Variants in RGS12 observed in about 807,000 individuals in gnomAD.
The protein encoded by RGS12 is regulator of G protein signaling 12.
Under a neutral mutation model 120.1 loss-of-function variants are expected in RGS12, and 66 were observed. The ratio of observed to expected loss-of-function variants is 0.55; its 90% CI spans 0.45 to 0.67. RGS12 has a LOEUF of 0.67. Ranked by LOEUF, RGS12 falls within the 30% of genes least tolerant of loss-of-function variation. The pLI, the probability that RGS12 is intolerant of heterozygous loss-of-function variation, is 0.00. For synonymous variants in RGS12, 827 were observed against 804.7 expected, an observed-to-expected ratio of 1.03 and a Z score of -0.47; for missense variants, 1,859 against 1,957.7, an observed-to-expected ratio of 0.95 and a Z score of 0.95.
At chr4:3,330,556 G>A (rs1711729699) in intron 2 of RGS12, among the ~76,000 whole-genome samples, 1 of 152,182 alleles carries the variant, frequency 6.6e-6, no homozygotes, top group Non-Finnish European at 1.5e-5. Context: ...CTAGAACAGT[G>A]CCTGGCAGTT....
chr4:3,362,523 A>G (rs1715708405), intron 3 of RGS12, among the ~76,000 whole-genome samples: 2 of 91,424 alleles, frequency 2.2e-5, no homozygotes, highest in Non-Finnish European at 2.2e-5. Context: ...AGTGTGTGTG[A>G]GGGTGTGTTG....
At chr4:3,395,211 A>G (rs1719930734) in intron 4 of RGS12, among the ~76,000 whole-genome samples, 1 of 151,942 alleles carries the variant, frequency 6.6e-6, no homozygotes, top group South Asian at 2.1e-4. Flanking sequence ...TCCATCTAAA[A>G]AAAAAAAAAA....
chr4:3,428,961 C>T (rs1044761916), intron 16 of RGS12, among the ~76,000 whole-genome samples: 3 of 152,236 alleles, frequency 2.0e-5, no homozygotes, highest in Non-Finnish European at 4.4e-5. Flanking sequence ...ACTGTCTGCC[C>T]TGAGATGCCA....
rs757235370 is a variant in RGS12 at position 3,439,670 on chromosome 4, G to T, written c.4330G>T (p.Ala1444Ser). Residue 1444 changes from alanine (A) to serine (S), a missense_variant, in exon 18 of 18, where the codon GCC becomes TCC. Physicochemically the swap from Ala to Ser is moderately conservative, Grantham distance 99 (BLOSUM62 1). Transcript: ENST00000336727. ...PAKPKTSAHH[A>S]TFV is the part of the protein sequence containing the mutation. The stretch of plus-strand genomic sequence containing the variant: ...TAAGCCCAAGACCAGCGCTCACCAC[G>T]CCACCTTCGTCTGAGCTGCCCTGGC... 6.5e-7 allele frequency: 1 copy of T among 1,537,514 alleles called. No individual in the cohort carries two copies.
Position 3,417,459 on chromosome 4 carries a change from G to T in RGS12, c.2679G>T (p.Arg893=). ...ELGDEDSEKK[R]KGAFFSWSRT... is the part of the protein sequence containing the mutation. ...GGGATGAGGACAGCGAGAAGAAGCG[G>T]AAAGGCGCGTTTTTCTCGTGGTCGC... The change falls in exon 9 of 18, where the codon CGG becomes CGT. Residue 893 remains arginine (R), a synonymous_variant. Coordinates refer to ENST00000336727, the MANE Select transcript of RGS12 (RefSeq NM_001394154.1). The T allele has an allele frequency of 6.2e-7, 1 of 1,612,986 alleles. No homozygotes were observed. The highest frequency in any genetic ancestry group is 1.1e-5 in the South Asian group (1 of 91,060).
intron 3 of RGS12, among the ~76,000 whole-genome samples, chr4:3,381,494 G>A (rs1718252462): frequency 6.6e-6 from 1 of 152,208 alleles, no homozygotes; most frequent in Non-Finnish European, 1.5e-5. Flanking sequence ...TTGACTCACA[G>A]TTCCACATGG....
chr4:3,387,882 C>T (rs1453911824), intron 4 of RGS12, among the ~76,000 whole-genome samples: 1 of 152,220 alleles, frequency 6.6e-6, no homozygotes, highest in African/African-American at 2.4e-5. Context: ...CAAAAGATTG[C>T]TTCTGTCAGC....
At chr4:3,348,215 T>C (rs777859966) in intron 3 of RGS12, among the ~76,000 whole-genome samples, 47 of 152,186 alleles carry the variant, frequency 3.1e-4, no homozygotes, top group Non-Finnish European at 3.2e-4. Flanking sequence ...TATTAGATAA[T>C]AGTCATTCAT....
chr4:3,386,165 C>T (rs1339151946), intron 3 of RGS12: 2 of 557,226 alleles, frequency 3.6e-6, no homozygotes, highest in Non-Finnish European at 6.3e-6. Flanking sequence ...TAATGTCAGA[C>T]ATGTTGGGAT....
At chr4:3,410,084 T>G (rs952644392) in intron 4 of RGS12, among the ~76,000 whole-genome samples, 8 of 152,174 alleles carry the variant, frequency 5.3e-5, no homozygotes, top group African/African-American at 9.7e-5. Context: ...CTTTATTGTC[T>G]CAGGAAAAAA....
intron 17 of RGS12, among the ~76,000 whole-genome samples, chr4:3,437,408 G>A (rs1228038880): frequency 6.6e-6 from 1 of 152,170 alleles, no homozygotes; most frequent in Non-Finnish European, 1.5e-5. Context: ...GGTGTTGCAG[G>A]CCCCTTCAGA....
rs566876780 is a variant in RGS12 at position 3,317,342 on chromosome 4, G to A, written c.1172G>A (p.Arg391Gln). 3.6e-5 allele frequency: 58 copies of A among 1,614,094 alleles called. 1 individual carries two copies. In the South Asian group the frequency reaches 4.6e-4, roughly 13 times the overall value. ...CTGCAGTTCATCTCTGTCCTGTACCGAGACATGGGTGAGCTGATTGAGGGC... is the reference window on the plus strand; with the variant it reads ...CTGCAGTTCATCTCTGTCCTGTACCAAGACATGGGTGAGCTGATTGAGGGC... ...PVLQFISVLY[R>Q]DMGELIEGMR... The change falls in exon 2 of 18, where the codon CGA becomes CAA. Residue 391 changes from arginine to glutamine, a missense_variant. Physicochemically the swap from Arg to Gln is conservative, Grantham distance 43. Coordinates refer to ENST00000336727, the MANE Select transcript of RGS12 (RefSeq NM_001394154.1).
chr4:3,375,173 A>G (rs1427332958), intron 3 of RGS12, among the ~76,000 whole-genome samples: 1 of 152,180 alleles, frequency 6.6e-6, no homozygotes, highest in Non-Finnish European at 1.5e-5. Flanking sequence ...ACGGGAGGTC[A>G]TTTTGAGACA....
At position 3,390,628 on chromosome 4, in the gene RGS12, C is replaced by T. The variant is rs377142432; in HGVS notation, c.2020+4191C>T. On this transcript the variant is annotated intron_variant, in intron 4 of 17. Transcript: ENST00000336727. This position sits in a 1 kb window ranked among gnomAD's most constrained non-coding sequence, Gnocchi z 4.6. The stretch of plus-strand genomic sequence containing the variant: ...TCTTCCAGTGCCTTCACCCAACACG[C>T]GGGCCTTTGGAGCTCAGACCTGGCC... Among the ~76,000 whole-genome samples, 20 of 152,226 alleles carry T rather than the reference C, an allele frequency of 1.3e-4. No individual in the cohort carries two copies. In the East Asian group the frequency reaches 1.3e-3, roughly 10 times the overall value.
intron 4 of RGS12, among the ~76,000 whole-genome samples, chr4:3,408,193 C>G (rs531483527): frequency 1.3e-5 from 2 of 152,206 alleles, no homozygotes; most frequent in Admixed American, 1.3e-4. Flanking sequence ...GGCCTTGGAG[C>G]TGGGGTCGGA....
At chr4:3,330,678 C>G (rs974175776) in intron 2 of RGS12, among the ~76,000 whole-genome samples, 4 of 152,076 alleles carry the variant, frequency 2.6e-5, no homozygotes, top group Non-Finnish European at 4.4e-5. Flanking sequence ...TAAAGTAATA[C>G]GAGTTTCTAT....
chr4:3,419,944 T>C (rs1252497724), intron 9 of RGS12, among the ~76,000 whole-genome samples: 8 of 152,220 alleles, frequency 5.3e-5, no homozygotes, highest in Admixed American at 5.2e-4. Context: ...GGCTGCAGTC[T>C]GCAGGCCAGT....
chr4:3,326,076 GA>G (rs1725535823), intron 2 of RGS12, among the ~76,000 whole-genome samples: 2 of 152,278 alleles, frequency 1.3e-5, no homozygotes, highest in Admixed American at 1.3e-4. Flanking sequence ...ACCAAAAGGG[GA>G]AAAGTTGAAA....
Position 3,416,851 on chromosome 4 carries a change from G to A in RGS12, c.2428-62G>A, listed in dbSNP as rs913810797. On this transcript the variant is annotated intron_variant, in intron 7 of 17. Transcript: ENST00000336727. ...TGCCTACAGGTCGCCAAGCAGCCTCGCGCCTGAGGCTGCATGTCTGGGTCC... is the reference window on the plus strand; with the variant it reads ...TGCCTACAGGTCGCCAAGCAGCCTCACGCCTGAGGCTGCATGTCTGGGTCC... 3.8e-5 allele frequency: 57 copies of A among 1,482,280 alleles called. No homozygotes were observed. In the South Asian group the frequency reaches 6.0e-4, roughly 16 times the overall value. 91.8% of individuals were successfully genotyped at this position (1,482,280 alleles called of 1,614,324 possible).
Sources: gnomAD v4.1 joint callset for allele counts (sites outside exome capture counted in the v4.1 genomes callset) on GRCh38, gnomAD v4.1.1 for gene constraint, Gnocchi (gnomAD v3.1) non-coding constraint, MANE v1.5 for transcripts, NCBI Gene and HGNC (gene_info 2026-07-23, HGNC 2026-07-21) for gene names.